KCNAB2: variants seen among roughly 807,000 people sequenced by gnomAD.
The protein encoded by KCNAB2 is voltage-gated potassium channel subunit beta-2.
In KCNAB2, 29 loss-of-function variants were observed where a neutral mutation model predicts 63.6. That is an observed-to-expected ratio of 0.46 (90% CI 0.34 to 0.62). The LOEUF is 0.62. Among genes scored for constraint, KCNAB2 ranks in the 20% least tolerant of loss-of-function variants. The pLI is 0.01. For synonymous variants in KCNAB2, 222 were observed against 224.2 expected (o/e 0.99, Z 0.09); for missense variants, 359 against 563.9 (o/e 0.64, Z 3.68).
intron 14 of KCNAB2, among the ~76,000 whole-genome samples, chr1:6,097,041 A>G (rs1159430043): frequency 6.6e-6 from 1 of 152,088 alleles, no homozygotes; most frequent in Admixed American, 6.5e-5. Flanking sequence ...GAGGATGGGG[A>G]GCGCTAAGCA....
rs563538090 is a variant in KCNAB2 at position 6,005,913 on chromosome 1, C to G, written c.-53+13125C>G. Among the ~76,000 whole-genome samples, 41 of 139,702 alleles carry G rather than the reference C, an allele frequency of 2.9e-4. 1 individual carries two copies. Among genetic ancestry groups the G allele is most frequent in the African/African-American group, 6.9e-4 (25 of 36,146 alleles). 91.6% of individuals were successfully genotyped at this position (139,702 alleles called of 152,430 possible). A position where few individuals can be genotyped will look rare whatever the true frequency, so the allele number is the denominator to read the frequency against. On this transcript the variant is annotated intron_variant, in intron 1 of 16. Coordinates refer to the KCNAB2 transcript ENST00000341524. ...ATTCCACCCTCACCCCTCAGCTCAG[C>G]TCCCACATCCCCCCACTCCACCCTC...
intron 4 of KCNAB2, among the ~76,000 whole-genome samples, chr1:6,080,583 G>A (rs1332870241): frequency 3.3e-5 from 5 of 152,204 alleles, no homozygotes; most frequent in African/African-American, 1.2e-4. Context: ...AGCTTCAGCT[G>A]TGCTGTATTT....
At chr1:6,030,421 C>T (rs1435548917), upstream of KCNAB2, among the ~76,000 whole-genome samples, 4 of 151,974 alleles carry the variant, frequency 2.6e-5, no homozygotes, top group Admixed American at 6.6e-5. Flanking sequence ...TGCACAGGAG[C>T]GCAAGGCTAG....
At chr1:6,060,455 G>A (rs115897454) in intron 2 of KCNAB2, among the ~76,000 whole-genome samples, 1,827 of 152,284 alleles carry the variant, frequency 0.012, 33 homozygotes, top group African/African-American at 0.039. Context: ...CTTTGGGGCA[G>A]CCCCTCAACT....
At position 6,003,021 on chromosome 1, in the gene KCNAB2, T is replaced by C. The variant is rs115573466; in HGVS notation, c.-53+10233T>C. On this transcript the variant is annotated intron_variant, in intron 1 of 16. Coordinates refer to the KCNAB2 transcript ENST00000341524. The surrounding 1 kb of genome is among the most constrained non-coding windows in gnomAD (Gnocchi z 4.1). ...AACAGGTCCTAGACCTTGTCTCAGG[T>C]CACACAGCTACCAGAGGACAGAGCT... Among the ~76,000 whole-genome samples the C allele has an allele frequency of 2.8e-3, 423 of 152,266 alleles. 2 individuals carry two copies. The highest frequency in any genetic ancestry group is 9.7e-3 in the African/African-American group (403 of 41,548).
chr1:6,092,771 T>A, intron 10 of KCNAB2, among the ~76,000 whole-genome samples: 1 of 150,470 alleles, frequency 6.6e-6, no homozygotes, highest in Non-Finnish European at 1.5e-5. Flanking sequence ...TCAGACTCCC[T>A]CCCAGATCTC....
Position 6,097,161 on chromosome 1 carries a change from C to A in KCNAB2, c.1070-108C>A, listed in dbSNP as rs2235791. 4.6e-3 allele frequency: 5,918 copies of A among 1,289,606 alleles called. 62 individuals carry two copies. The Middle Eastern group carries it at 0.055, about 12-fold the overall frequency. 79.9% of individuals were successfully genotyped at this position (1,289,606 alleles called of 1,614,324 possible). On this transcript the variant is annotated intron_variant, in intron 14 of 15. Transcript: ENST00000378083. Reference sequence around the variant, plus strand: ...GCAGGGCTTCCTAGACCCCCTCAGACCCCCAGACCAAGATGCTGGGTCTCT... The same window carrying A: ...GCAGGGCTTCCTAGACCCCCTCAGAACCCCAGACCAAGATGCTGGGTCTCT...
At chr1:6,091,542 C>A (rs1345602374) in intron 10 of KCNAB2, among the ~76,000 whole-genome samples, 1 of 151,744 alleles carries the variant, frequency 6.6e-6, no homozygotes, top group Non-Finnish European at 1.5e-5. Context: ...CCGTGCATGG[C>A]CCCCACCCCT....
chr1:6,005,555 C>G (rs985496980), intron 1 of KCNAB2, among the ~76,000 whole-genome samples: 3 of 150,838 alleles, frequency 2.0e-5, no homozygotes, highest in South Asian at 2.1e-4. Context: ...CCCCCTACCC[C>G]CCATGAGTAG....
chr1:6,015,635 C>A (rs1658449538), intron 1 of KCNAB2, among the ~76,000 whole-genome samples: 1 of 152,228 alleles, frequency 6.6e-6, no homozygotes, highest in Non-Finnish European at 1.5e-5. Flanking sequence ...GGGCTTGGGT[C>A]AGTGTTGGGT....
intron 1 of KCNAB2, among the ~76,000 whole-genome samples, chr1:6,034,977 G>A (rs1557432033): frequency 1.3e-5 from 2 of 152,216 alleles, no homozygotes; most frequent in Non-Finnish European, 2.9e-5. Context: ...ACAGGCGCTG[G>A]GGAGAAACAG....
intron 1 of KCNAB2, among the ~76,000 whole-genome samples, chr1:6,009,335 C>T (rs1320218752): frequency 1.3e-5 from 2 of 152,246 alleles, no homozygotes; most frequent in Non-Finnish European, 2.9e-5. Context: ...GGTACATGAG[C>T]AGGCAGCAGA....
intron 1 of KCNAB2, among the ~76,000 whole-genome samples, chr1:6,011,106 T>C (rs1403020613): frequency 6.6e-6 from 1 of 152,222 alleles, no homozygotes; most frequent in Admixed American, 6.5e-5. Flanking sequence ...AGCCACACAT[T>C]GGCCCCTGAG....
At chr1:6,036,836 T>C (rs1394093120) in intron 1 of KCNAB2, among the ~76,000 whole-genome samples, 1 of 152,128 alleles carries the variant, frequency 6.6e-6, no homozygotes, top group Non-Finnish European at 1.5e-5. Context: ...AGGTGTCCCC[T>C]GAACCTGGGA....
At chr1:5,993,284 C>G (rs979833953) in intron 1 of KCNAB2, among the ~76,000 whole-genome samples, 1 of 151,896 alleles carries the variant, frequency 6.6e-6, no homozygotes, top group African/African-American at 2.4e-5. Flanking sequence ...CTGTGTCGCT[C>G]CGGTCCCTTT....
At chr1:6,030,692 A>ATG (rs754643908), upstream of KCNAB2, among the ~76,000 whole-genome samples, 2 of 142,482 alleles carry the variant, frequency 1.4e-5, no homozygotes, top group African/African-American at 5.3e-5. Context: ...GTTTGTGTGT[A>ATG]TGTGTGTGTG....
chr1:6,057,267 G>C (rs147374230), intron 2 of KCNAB2, among the ~76,000 whole-genome samples: 4 of 152,024 alleles, frequency 2.6e-5, no homozygotes, highest in Admixed American at 6.6e-5. Flanking sequence ...TGTGCTTTCT[G>C]ACTCTAGATC....
chr1:6,001,427 G>A (rs1657254936), intron 1 of KCNAB2, among the ~76,000 whole-genome samples: 2 of 152,162 alleles, frequency 1.3e-5, no homozygotes, highest in Admixed American at 1.3e-4. Flanking sequence ...GCCTCCGGGG[G>A]TGCCACTGGG....
At chr1:6,054,753 G>A (rs1187360129) in intron 2 of KCNAB2, among the ~76,000 whole-genome samples, 1 of 152,188 alleles carries the variant, frequency 6.6e-6, no homozygotes, top group African/African-American at 2.4e-5. Context: ...TGCAGAAAGT[G>A]ACCAATTAGA....
Sources: gnomAD v4.1 joint callset for allele counts (sites outside exome capture counted in the v4.1 genomes callset) on GRCh38, gnomAD v4.1.1 for gene constraint, Gnocchi (gnomAD v3.1) non-coding constraint, MANE v1.5 for transcripts, NCBI Gene and HGNC (gene_info 2026-07-23, HGNC 2026-07-21) for gene names.